The following IFRD1 variants were observed in gnomAD, a reference collection of about 807,000 sequenced individuals.
IFRD1 encodes interferon-related developmental regulator 1.
In IFRD1, 35 loss-of-function variants were observed where a neutral mutation model predicts 52.9. That is an observed-to-expected ratio of 0.66 (90% CI 0.51 to 0.88). IFRD1 has a LOEUF of 0.88. Among genes scored for constraint, IFRD1 ranks in the 40% least tolerant of loss-of-function variants. The pLI, the probability that IFRD1 is intolerant of heterozygous loss-of-function variation, is 0.00. For missense variants in IFRD1, 517 were observed against 550.8 expected (o/e 0.94, Z 0.61); for synonymous variants, 184 against 188.4 (o/e 0.98, Z 0.19).
chr7:112,434,561 C>T (rs1794626402), intron 1 of IFRD1, among the ~76,000 whole-genome samples: 1 of 152,142 alleles, frequency 6.6e-6, no homozygotes, highest in Non-Finnish European at 1.5e-5. Flanking sequence ...GTTTATTAAA[C>T]TCTAAATTAA....
intron 9 of IFRD1, 94 bp downstream of exon 9, chr7:112,468,209 C>A: frequency 7.5e-7 from 1 of 1,338,974 alleles, no homozygotes; most frequent in Non-Finnish European, 1.1e-6. Flanking sequence ...GATTGAATTT[C>A]ACCTTTGAAA....
chr7:112,429,515 T>C (rs1794501884), intron 1 of IFRD1, among the ~76,000 whole-genome samples: 1 of 152,204 alleles, frequency 6.6e-6, no homozygotes, highest in African/African-American at 2.4e-5. Flanking sequence ...AAAGAAGAGT[T>C]GTCTTTGTTG....
intron 1 of IFRD1, among the ~76,000 whole-genome samples, chr7:112,454,373 A>G (rs1795237031): frequency 6.6e-6 from 1 of 152,038 alleles, no homozygotes; most frequent in Non-Finnish European, 1.5e-5. Flanking sequence ...TTGTATTTTT[A>G]GTAGAGACTG....
At chr7:112,447,407 G>A (rs979873273), upstream of IFRD1, among the ~76,000 whole-genome samples, 40 of 152,218 alleles carry the variant, frequency 2.6e-4, no homozygotes, top group Admixed American at 4.6e-4. Flanking sequence ...GATATATGAG[G>A]CAGACATTGC....
chr7:112,450,803 C>G (rs1356947760), intron 1 of IFRD1, 21 bp downstream of exon 1: 1 of 1,576,120 alleles, frequency 6.3e-7, no homozygotes, highest in South Asian at 1.1e-5. Context: ...TCCCCGCCGC[C>G]GGCATCCCAG....
intron 1 of IFRD1, among the ~76,000 whole-genome samples, chr7:112,423,804 C>A (rs1794371785): frequency 6.6e-6 from 1 of 152,176 alleles, no homozygotes; most frequent in Non-Finnish European, 1.5e-5. Flanking sequence ...TCAAGATCGA[C>A]ATGCTTTGTT....
intron 1 of IFRD1, among the ~76,000 whole-genome samples, chr7:112,438,977 TAAC>T (rs545220968): frequency 5.3e-5 from 8 of 152,064 alleles, no homozygotes; most frequent in African/African-American, 9.6e-5. Flanking sequence ...TGCCAATTAA[TAAC>T]AACAACAACA....
At chr7:112,433,145 C>T (rs898297400) in intron 1 of IFRD1, among the ~76,000 whole-genome samples, 1 of 152,116 alleles carries the variant, frequency 6.6e-6, no homozygotes, top group Non-Finnish European at 1.5e-5. Context: ...TTTATCAAGA[C>T]AGGGGAATTG....
chr7:112,463,833 C>CAT (rs142399787), intron 8 of IFRD1, among the ~76,000 whole-genome samples: 63,451 of 146,380 alleles, frequency 0.43, 14,183 homozygotes, highest in Middle Eastern at 0.6. Flanking sequence ...TATACATATA[C>CAT]ATATATATAC....
chr7:112,443,137 G>A (rs1462740203), intron 1 of IFRD1, among the ~76,000 whole-genome samples: 1 of 152,182 alleles, frequency 6.6e-6, no homozygotes, highest in Non-Finnish European at 1.5e-5. Context: ...CTGGAATACT[G>A]AGTTAGAGCC....
chr7:112,468,614 T>C (rs1795675246), intron 9 of IFRD1, among the ~76,000 whole-genome samples: 1 of 152,214 alleles, frequency 6.6e-6, no homozygotes, highest in African/African-American at 2.4e-5. Flanking sequence ...ATTCTTTGCC[T>C]CAGCCTCCTG....
At chr7:112,451,403 G>A (rs545602879) in intron 1 of IFRD1, among the ~76,000 whole-genome samples, 145 of 152,324 alleles carry the variant, frequency 9.5e-4, no homozygotes, top group Admixed American at 1.7e-3. Flanking sequence ...TCCCCTAACT[G>A]GCACCTGCAG....
intron 9 of IFRD1, 145 bp from the exon 10 acceptor site, chr7:112,472,074 C>A (rs1795762407): frequency 2.4e-6 from 2 of 828,754 alleles, no homozygotes; most frequent in Non-Finnish European, 2.1e-6. Flanking sequence ...AACAGTTTGT[C>A]CACATCTCAG....
intron 1 of IFRD1, among the ~76,000 whole-genome samples, chr7:112,431,741 G>A (rs1016298832): frequency 1.3e-5 from 2 of 152,188 alleles, no homozygotes; most frequent in African/African-American, 2.4e-5. Context: ...TCACAGTTAT[G>A]AAAGTAGTAT....
intron 5 of IFRD1, 126 bp downstream of exon 5, chr7:112,459,144 T>A (rs1795369539): frequency 2.5e-6 from 2 of 804,246 alleles, no homozygotes. Context: ...AGTCCAGGAG[T>A]TTGAGGCAGC....
At position 112,455,804 on chromosome 7, in the gene IFRD1, G is replaced by A. The variant is rs772709669; in HGVS notation, c.136G>A (p.Ala46Thr). 9 of 1,613,046 alleles carry A rather than the reference G, an allele frequency of 5.6e-6. No individual in the cohort carries two copies. The highest frequency in any genetic ancestry group is 5.5e-5 in the South Asian group (5 of 91,058). ...TGTTCAGCCTTTTAGTGATGAAGAT[G>A]CATCAATTGAAACAATGAGCCATTG... ...RNVQPFSDED[A>T]SIETMSHCSG... The change falls in exon 2 of 12, where the codon GCA becomes ACA. Residue 46 changes from alanine (A) to threonine (T), a missense_variant. Transcript: ENST00000403825.
At chr7:112,472,387 G>T (rs776117036) in intron 10 of IFRD1, 40 bp downstream of exon 10, 128 of 1,611,384 alleles carry the variant, frequency 7.9e-5, no homozygotes, top group Non-Finnish European at 1.0e-4. Context: ...TTTAAAGTAG[G>T]GAGCAGTCTT....
chr7:112,472,586 A>G lies in IFRD1; in HGVS notation c.1171-180A>G, dbSNP rs184969368. Among the ~76,000 whole-genome samples, 1,041 of 152,322 alleles carry G rather than the reference A, an allele frequency of 6.8e-3. 7 individuals are homozygous for G. Among genetic ancestry groups the G allele is most frequent in the African/African-American group, 0.018 (751 of 41,586 alleles). On this transcript the variant is annotated intron_variant, in intron 10 of 11. Transcript: ENST00000403825. ...TCTGTATGAAAGCAAATAGCTTGACATAGCTGTCTTGGATTCAAGGCATTG... is the reference window on the plus strand; with the variant it reads ...TCTGTATGAAAGCAAATAGCTTGACGTAGCTGTCTTGGATTCAAGGCATTG...
At chr7:112,453,157 G>C (rs1307371178) in intron 1 of IFRD1, among the ~76,000 whole-genome samples, 2 of 152,088 alleles carry the variant, frequency 1.3e-5, no homozygotes, top group African/African-American at 4.8e-5. Context: ...TAACCAAATT[G>C]TCATTATTAC....
Sources: gnomAD v4.1 joint callset for allele counts (sites outside exome capture counted in the v4.1 genomes callset) on GRCh38, gnomAD v4.1.1 for gene constraint, MANE v1.5 for transcripts, NCBI Gene and HGNC (gene_info 2026-07-23, HGNC 2026-07-21) for gene names.